The following GALNTL6 variants were observed in gnomAD, a reference collection of about 807,000 sequenced individuals.
GALNTL6 encodes the protein polypeptide N-acetylgalactosaminyltransferase like 6.
In GALNTL6, 46 loss-of-function variants were observed where a neutral mutation model predicts 73.7. The ratio of observed to expected loss-of-function variants is 0.62; its 90% CI spans 0.49 to 0.80. GALNTL6 has a LOEUF of 0.80. Ranked by LOEUF, GALNTL6 falls within the 30% of genes least tolerant of loss-of-function variation. The pLI is 0.00. For synonymous variants in GALNTL6, 259 were observed against 263.7 expected (o/e 0.98, Z 0.17); for missense variants, 604 against 755.0 (o/e 0.80, Z 2.34).
At chr4:172,498,112 T>C (rs1734132826) in intron 5 of GALNTL6, among the ~76,000 whole-genome samples, 1 of 149,720 alleles carries the variant, frequency 6.7e-6, no homozygotes, top group South Asian at 2.2e-4. Flanking sequence ...TGCCTCAGCC[T>C]CCTGAGTAGC....
At chr4:172,177,832 CACATAT>C (rs1427506765) in intron 2 of GALNTL6, among the ~76,000 whole-genome samples, 1 of 70,468 alleles carries the variant, frequency 1.4e-5, no homozygotes, top group Non-Finnish European at 3.3e-5. Flanking sequence ...TATATACACA[CACATAT>C]ATATGTGTAT....
intron 2 of GALNTL6, among the ~76,000 whole-genome samples, chr4:171,996,128 A>ATTG: frequency 6.6e-6 from 1 of 152,250 alleles, no homozygotes; most frequent in Admixed American, 6.6e-5. Context: ...TACACTTAAC[A>ATTG]TTAAGTGGGT....
intron 12 of GALNTL6, among the ~76,000 whole-genome samples, chr4:173,032,324 G>A (rs1007136820): frequency 1.2e-4 from 19 of 152,122 alleles, no homozygotes; most frequent in Admixed American, 1.0e-3. Flanking sequence ...GGTGGCGGAT[G>A]ACTGTAGTCC....
intron 2 of GALNTL6, among the ~76,000 whole-genome samples, chr4:172,032,116 T>C (rs1741789440): frequency 6.6e-6 from 1 of 152,152 alleles, no homozygotes; most frequent in South Asian, 2.1e-4. Flanking sequence ...ATACCTTATT[T>C]TTACTAATGA....
chr4:171,844,927 G>C (rs1483069046), intron 2 of GALNTL6, among the ~76,000 whole-genome samples: 1 of 152,112 alleles, frequency 6.6e-6, no homozygotes, highest in Admixed American at 6.5e-5. Flanking sequence ...CAAACAATCA[G>C]CATGAAATAG....
intron 2 of GALNTL6, among the ~76,000 whole-genome samples, chr4:171,880,611 G>A (rs1373068649): frequency 6.6e-6 from 1 of 152,110 alleles, no homozygotes; most frequent in African/African-American, 2.4e-5. Flanking sequence ...ACACTCACAA[G>A]ATGACAAAAT....
chr4:172,783,045 C>T (rs1431115729), intron 5 of GALNTL6, among the ~76,000 whole-genome samples: 1 of 151,752 alleles, frequency 6.6e-6, no homozygotes, highest in Non-Finnish European at 1.5e-5. Flanking sequence ...AACACTATCT[C>T]ATTTCAAACG....
intron 5 of GALNTL6, among the ~76,000 whole-genome samples, chr4:172,779,119 G>C (rs183574222): frequency 1.3e-5 from 2 of 152,226 alleles, no homozygotes; most frequent in Admixed American, 1.3e-4. Context: ...TATACCCAGA[G>C]CCTACAGGGG....
At chr4:172,764,472 AT>A (rs1391633387) in intron 5 of GALNTL6, among the ~76,000 whole-genome samples, 2 of 152,082 alleles carry the variant, frequency 1.3e-5, no homozygotes, top group African/African-American at 2.4e-5. Context: ...TTGTACAGTT[AT>A]TTTTATAATA....
intron 5 of GALNTL6, among the ~76,000 whole-genome samples, chr4:172,764,629 C>A (rs1471117725): frequency 6.6e-6 from 1 of 152,000 alleles, no homozygotes; most frequent in Non-Finnish European, 1.5e-5. Context: ...AATAAATGCT[C>A]AATTGTTGAG....
intron 2 of GALNTL6, among the ~76,000 whole-genome samples, chr4:171,841,213 A>G (rs1386758861): frequency 2.0e-5 from 3 of 152,196 alleles, no homozygotes; most frequent in African/African-American, 7.2e-5. Context: ...GTTAAAAATA[A>G]TGTAGCATAT....
intron 2 of GALNTL6, among the ~76,000 whole-genome samples, chr4:172,025,587 GT>G (rs1406158420): frequency 6.6e-6 from 1 of 151,838 alleles, no homozygotes; most frequent in Admixed American, 6.6e-5. Flanking sequence ...GCACATGAAG[GT>G]TTTTTTGAAA....
At chr4:172,827,493 G>A (rs1292483152) in intron 7 of GALNTL6, among the ~76,000 whole-genome samples, 1 of 152,136 alleles carries the variant, frequency 6.6e-6, no homozygotes, top group Non-Finnish European at 1.5e-5. Context: ...GGGAGGAAGT[G>A]GGGACAATCC....
At chr4:172,991,639 C>G (rs905946236) in intron 10 of GALNTL6, among the ~76,000 whole-genome samples, 6 of 152,054 alleles carry the variant, frequency 3.9e-5, no homozygotes, top group Non-Finnish European at 8.8e-5. Context: ...AGCTCCTGAC[C>G]TCAAATTATC....
intron 8 of GALNTL6, among the ~76,000 whole-genome samples, chr4:172,927,558 T>G (rs1748120593): frequency 6.6e-6 from 1 of 152,184 alleles, no homozygotes; most frequent in East Asian, 1.9e-4. Context: ...GGAGATAGTT[T>G]GTTTCTGCTC....
At chr4:171,833,218 C>A (rs1350549728) in intron 2 of GALNTL6, among the ~76,000 whole-genome samples, 3 of 151,580 alleles carry the variant, frequency 2.0e-5, no homozygotes, top group Non-Finnish European at 4.4e-5. Context: ...TCATAATGGA[C>A]AAGGGATGCT....
At chr4:171,911,284 C>T (rs1487802812) in intron 2 of GALNTL6, among the ~76,000 whole-genome samples, 2 of 152,182 alleles carry the variant, frequency 1.3e-5, no homozygotes, top group African/African-American at 4.8e-5. Flanking sequence ...TTCAGCCTCC[C>T]AAGTAGCTGG....
intron 10 of GALNTL6, among the ~76,000 whole-genome samples, chr4:172,997,385 C>T (rs1015813529): frequency 9.2e-5 from 14 of 152,036 alleles, no homozygotes; most frequent in Non-Finnish European, 1.9e-4. Flanking sequence ...CAGTTGCAAA[C>T]GTGAATGAAA....
intron 2 of GALNTL6, among the ~76,000 whole-genome samples, chr4:171,978,209 T>G (rs1258097613): frequency 6.6e-6 from 1 of 152,096 alleles, no homozygotes; most frequent in Non-Finnish European, 1.5e-5. Flanking sequence ...TGTGACATAT[T>G]TACCATTTTA....
Sources: gnomAD v4.1 joint callset for allele counts (sites outside exome capture counted in the v4.1 genomes callset) on GRCh38, gnomAD v4.1.1 for gene constraint, MANE v1.5 for transcripts, NCBI Gene and HGNC (gene_info 2026-07-23, HGNC 2026-07-21) for gene names.